The following NAV2 variants were observed in gnomAD, a reference collection of about 807,000 sequenced individuals.
NAV2 encodes the protein neuron navigator 2, also known as helicase, APC down-regulated 1.
NAV2 carries 54 observed loss-of-function variants against 223.2 expected under a neutral mutation model. That is an observed-to-expected ratio of 0.24 (90% CI 0.19 to 0.30). The LOEUF (loss-of-function observed/expected upper bound fraction) is 0.30, where lower values mean the gene tolerates loss of function less well. Among genes scored for constraint, NAV2 ranks in the 10% least tolerant of loss-of-function variants. The pLI, the probability that NAV2 is intolerant of heterozygous loss-of-function variation, is 1.00. For missense variants in NAV2, 2,806 were observed against 3,147.5 expected (o/e 0.89, Z 2.60); for synonymous variants, 1,279 against 1,239.3 (o/e 1.03, Z -0.67).
chr11:20,064,805 CAA>C (rs1370187059), intron 20 of NAV2, among the ~76,000 whole-genome samples: 3 of 152,142 alleles, frequency 2.0e-5, no homozygotes, highest in Non-Finnish European at 4.4e-5. Flanking sequence ...ATCTGGATAA[CAA>C]GAGACCCGAG....
Position 19,494,679 on chromosome 11 carries a change from G to T in NAV2, c.75+143652G>T, listed in dbSNP as rs76470572. On this transcript the variant is annotated intron_variant, in intron 1 of 37. Transcript: ENST00000360655. ...TAAGGATACAAAGACCCCACCCCGG[G>T]TTTCCTGAGTCTCTGGAAGATGTAA... Among the ~76,000 whole-genome samples the T allele has an allele frequency of 8.4e-3, 1,273 of 152,306 alleles. 13 individuals carry two copies. Among genetic ancestry groups the T allele is most frequent in the African/African-American group, 0.029 (1,203 of 41,568 alleles).
At chr11:19,612,678 G>C (rs779516112) in intron 1 of NAV2, among the ~76,000 whole-genome samples, 5 of 152,126 alleles carry the variant, frequency 3.3e-5, no homozygotes, top group Non-Finnish European at 7.3e-5. Flanking sequence ...GACCACCTCA[G>C]CCTGGACCTT....
intron 5 of NAV2, among the ~76,000 whole-genome samples, chr11:19,887,044 C>T (rs1050745033): frequency 2.0e-5 from 3 of 152,204 alleles, no homozygotes; most frequent in African/African-American, 7.2e-5. Flanking sequence ...GCTGATCAAG[C>T]ACCACTAAGC....
intron 26 of NAV2, among the ~76,000 whole-genome samples, chr11:20,083,471 T>C (rs2060219470): frequency 6.6e-6 from 1 of 152,190 alleles, no homozygotes; most frequent in South Asian, 2.1e-4. Context: ...GGGATAATGG[T>C]TTTTGTGTAC....
intron 1 of NAV2, among the ~76,000 whole-genome samples, chr11:19,693,388 T>C (rs1347834671): frequency 1.3e-5 from 2 of 152,042 alleles, no homozygotes; most frequent in Non-Finnish European, 1.5e-5. Flanking sequence ...CAACCAGGAG[T>C]GCCATGCTGA....
At chr11:19,369,720 A>G (rs1590065950) in intron 1 of NAV2, among the ~76,000 whole-genome samples, 1 of 152,288 alleles carries the variant, frequency 6.6e-6, no homozygotes, top group South Asian at 2.1e-4. Flanking sequence ...TTACCCCAGC[A>G]TACTCTATCT....
At chr11:19,348,653 C>G (rs1853129168), upstream of NAV2, among the ~76,000 whole-genome samples, 1 of 152,190 alleles carries the variant, frequency 6.6e-6, no homozygotes, top group Non-Finnish European at 1.5e-5. Flanking sequence ...GAAGCAGTAG[C>G]TAGCACTAAG....
intron 22 of NAV2, among the ~76,000 whole-genome samples, chr11:20,076,822 T>TA (rs1330524398): frequency 6.6e-6 from 1 of 152,198 alleles, no homozygotes; most frequent in East Asian, 1.9e-4. Context: ...TGGAAGCATT[T>TA]AAAAAATTCT....
At chr11:19,629,910 C>G (rs1156484421) in intron 1 of NAV2, among the ~76,000 whole-genome samples, 1 of 152,190 alleles carries the variant, frequency 6.6e-6, no homozygotes, top group Non-Finnish European at 1.5e-5. Context: ...CTCTGTCAGT[C>G]CCAAATGACT....
chr11:19,940,832 G>A (rs1378332293), intron 8 of NAV2, among the ~76,000 whole-genome samples: 1 of 152,190 alleles, frequency 6.6e-6, no homozygotes, highest in Non-Finnish European at 1.5e-5. Flanking sequence ...ATCTTAGAAT[G>A]ATTTGGGCCC....
intron 2 of NAV2, among the ~76,000 whole-genome samples, chr11:19,837,615 G>A (rs1222302234): frequency 6.6e-6 from 1 of 152,112 alleles, no homozygotes; most frequent in East Asian, 1.9e-4. Flanking sequence ...AGTCAGGGAT[G>A]GAAAACCTGA....
Position 19,935,851 on chromosome 11 carries a change from G to GTTTTTTTTTTTTTTTTTTTTTTTTTTT in NAV2, c.2033+1598_2033+1599insTTTTTTTTTTTTTTTTTTTTTTTTTTT, listed in dbSNP as rs765632685. On this transcript the variant is annotated intron_variant, in intron 7 of 37. Coordinates refer to ENST00000349880, the MANE Select transcript of NAV2 (RefSeq NM_145117.5). ...ACGGCTTTTGTTTTGTTTTGTTTCT[G>GTTTTTTTTTTTTTTTTTTTTTTTTTTT]TTTTTTTTTTTTTTTTTTTTTTTTG... Among the ~76,000 whole-genome samples the GTTTTTTTTTTTTTTTTTTTTTTTTTTT allele has an allele frequency of 3.0e-4, 16 of 52,704 alleles. 2 individuals carry two copies. Among genetic ancestry groups the GTTTTTTTTTTTTTTTTTTTTTTTTTTT allele is most frequent in the East Asian group, 7.8e-4 (1 of 1,286 alleles). The allele number at this position is 52,704 out of a possible 152,430, so 34.6% of individuals were successfully genotyped here. A position where few individuals can be genotyped will look rare whatever the true frequency, so the allele number is the denominator to read the frequency against.
chr11:19,934,398 A>G, intron 7 of NAV2, 121 bp downstream of exon 7: 2 of 1,189,872 alleles, frequency 1.7e-6, no homozygotes, highest in Non-Finnish European at 1.1e-6. Context: ...GTCAGTAGCT[A>G]AGAAACCACG....
intron 29 of NAV2, among the ~76,000 whole-genome samples, chr11:20,094,706 C>T (rs2061121353): frequency 6.6e-6 from 1 of 152,174 alleles, no homozygotes; most frequent in African/African-American, 2.4e-5. Flanking sequence ...GGATTATTAT[C>T]CTCATTATAC....
intron 1 of NAV2, among the ~76,000 whole-genome samples, chr11:19,456,817 C>T (rs1005204815): frequency 6.6e-6 from 1 of 152,216 alleles, no homozygotes; most frequent in South Asian, 2.1e-4. Context: ...TATGGCTGGA[C>T]TGCTCCTTCC....
chr11:19,562,727 CG>C (rs2045144247), intron 1 of NAV2, among the ~76,000 whole-genome samples: 1 of 152,122 alleles, frequency 6.6e-6, no homozygotes, highest in Admixed American at 6.5e-5. Context: ...TGTGGATTTA[CG>C]CAGCACTAAA....
chr11:19,432,779 G>T (rs1851081107), intron 1 of NAV2, among the ~76,000 whole-genome samples: 1 of 152,198 alleles, frequency 6.6e-6, no homozygotes, highest in Non-Finnish European at 1.5e-5. Context: ...CCATTCCAGG[G>T]TTTCTGTGAG....
At chr11:19,416,587 A>C (rs903220030) in intron 1 of NAV2, among the ~76,000 whole-genome samples, 1 of 152,228 alleles carries the variant, frequency 6.6e-6, no homozygotes, top group African/African-American at 2.4e-5. Context: ...CAGAATTAGA[A>C]AAAAACTACT....
chr11:19,578,911 G>C (rs2045639078), intron 1 of NAV2, among the ~76,000 whole-genome samples: 1 of 152,198 alleles, frequency 6.6e-6, no homozygotes, highest in African/African-American at 2.4e-5. Context: ...ACCCCTCTGA[G>C]AGGTTTAGGG....
Sources: gnomAD v4.1 joint callset for allele counts (sites outside exome capture counted in the v4.1 genomes callset) on GRCh38, gnomAD v4.1.1 for gene constraint, MANE v1.5 for transcripts, NCBI Gene and HGNC (gene_info 2026-07-23, HGNC 2026-07-21) for gene names.